RASGRF2: variants seen among roughly 807,000 people sequenced by gnomAD.
The protein encoded by RASGRF2 is ras-specific guanine nucleotide-releasing factor 2.
In RASGRF2, 76 loss-of-function variants were observed where a neutral mutation model predicts 151.0. The ratio of observed to expected loss-of-function variants is 0.50; its 90% CI spans 0.42 to 0.61. The LOEUF is 0.61. Ranked by LOEUF, RASGRF2 falls within the 20% of genes least tolerant of loss-of-function variation. RASGRF2 has a pLI of 0.00. For missense variants in RASGRF2, 1,148 were observed against 1,564.6 expected, an observed-to-expected ratio of 0.73 and a Z score of 4.49; for synonymous variants, 504 against 566.5, an observed-to-expected ratio of 0.89 and a Z score of 1.57.
chr5:81,060,725 C>G (rs1751404919), intron 2 of RASGRF2, among the ~76,000 whole-genome samples: 1 of 152,156 alleles, frequency 6.6e-6, no homozygotes, highest in African/African-American at 2.4e-5. Flanking sequence ...TACTTATAAT[C>G]CCAATGCATG....
At chr5:80,982,719 G>T (rs1053633964) in intron 1 of RASGRF2, among the ~76,000 whole-genome samples, 29 of 151,650 alleles carry the variant, frequency 1.9e-4, no homozygotes, top group African/African-American at 7.0e-4. Flanking sequence ...TCCTGCCTCA[G>T]TCTCCCGAGT....
intron 12 of RASGRF2, among the ~76,000 whole-genome samples, chr5:81,107,182 C>G (rs941162913): frequency 1.5e-5 from 2 of 135,348 alleles, no homozygotes; most frequent in Admixed American, 8.0e-5. Context: ...TAACATAGCA[C>G]GAACCTGTCT....
At chr5:81,086,127 T>C (rs1229762491) in intron 8 of RASGRF2, among the ~76,000 whole-genome samples, 1 of 152,162 alleles carries the variant, frequency 6.6e-6, no homozygotes, top group Non-Finnish European at 1.5e-5. Flanking sequence ...AATGTTCTTA[T>C]AGCATGTGAA....
At position 81,113,608 on chromosome 5, in the gene RASGRF2, C is replaced by G; in HGVS notation, c.2158C>G (p.Arg720Gly). Reference protein sequence around the residue: ...GEHLVDGKSPRLCRKFSSPPP... With the variant: ...GEHLVDGKSPGLCRKFSSPPP... ...ACATTTGGTGGATGGCAAATCCCCA[C>G]GTCTGTGTCGCAAATTCTCTTCCCC... The change falls in exon 15 of 27, where the codon CGT becomes GGT. Residue 720 changes from arginine to glycine, a missense_variant. By Grantham distance (125) the Arg-to-Gly change is moderately radical. Around this residue, in one of 5 missense-constraint regions of RASGRF2, gnomAD observed 646 missense variants for 807.4 expected, o/e 0.80. Coordinates refer to ENST00000265080, the MANE Select transcript of RASGRF2 (RefSeq NM_006909.3). 6.2e-7 allele frequency: 1 copy of G among 1,608,494 alleles called. No individual in the cohort carries two copies. Among genetic ancestry groups the G allele is most frequent in the South Asian group, 1.1e-5 (1 of 90,982 alleles).
In RASGRF2 at chr5:81,214,052, A is replaced by C. The variant is rs74336736; in HGVS notation, c.3354+1489A>C. On this transcript the variant is annotated intron_variant, in intron 23 of 26. Coordinates refer to ENST00000265080, the MANE Select transcript of RASGRF2 (RefSeq NM_006909.3). ...CCACCAGTCTTATCCAGATTTCACC[A>C]GCTTTCTAGGGATCACCAGCTATCA... Among the ~76,000 whole-genome samples the C allele has an allele frequency of 6.8e-3, 1,040 of 152,296 alleles. 14 individuals carry two copies. The highest frequency in any genetic ancestry group is 0.05 in the East Asian group (261 of 5,172).
intron 1 of RASGRF2, among the ~76,000 whole-genome samples, chr5:81,034,812 G>GGT (rs1554087641): frequency 1.5e-5 from 2 of 131,208 alleles, no homozygotes; most frequent in Admixed American, 7.6e-5. Flanking sequence ...GGTGGGAGGG[G>GGT]GGTAGGGATA....
intron 18 of RASGRF2, among the ~76,000 whole-genome samples, chr5:81,191,016 C>T (rs1230518504): frequency 2.0e-5 from 3 of 152,164 alleles, no homozygotes; most frequent in Admixed American, 2.0e-4. Flanking sequence ...TCTCCCCACT[C>T]TTGTAATCAC....
chr5:80,963,596 G>T (rs902543505), intron 1 of RASGRF2, among the ~76,000 whole-genome samples: 30 of 152,142 alleles, frequency 2.0e-4, no homozygotes, highest in Admixed American at 3.9e-4. Context: ...GAATGTGAAA[G>T]ACCATTTCAC....
At chr5:81,188,453 T>C (rs778392262) in intron 18 of RASGRF2, among the ~76,000 whole-genome samples, 5 of 152,186 alleles carry the variant, frequency 3.3e-5, no homozygotes, top group Non-Finnish European at 7.3e-5. Context: ...TTGAATTGCA[T>C]AGAAGTCATC....
intron 1 of RASGRF2, among the ~76,000 whole-genome samples, chr5:80,969,708 C>T (rs530264686): frequency 6.6e-6 from 1 of 152,092 alleles, no homozygotes; most frequent in East Asian, 1.9e-4. Context: ...GTCTCGGCCT[C>T]CCAAAGTGCT....
intron 17 of RASGRF2, among the ~76,000 whole-genome samples, chr5:81,151,121 C>T (rs149836218): frequency 6.6e-6 from 1 of 152,288 alleles, no homozygotes; most frequent in African/African-American, 2.4e-5. Flanking sequence ...TCTCTGTTTA[C>T]AATTAGCTAA....
intron 22 of RASGRF2, among the ~76,000 whole-genome samples, chr5:81,211,360 GATTT>G (rs1223730411): frequency 2.0e-5 from 3 of 152,086 alleles, no homozygotes; most frequent in African/African-American, 7.2e-5. Flanking sequence ...GTCAGGGATG[GATTT>G]ATTTGTCTTT....
At chr5:81,160,407 C>T (rs1035981507) in intron 17 of RASGRF2, among the ~76,000 whole-genome samples, 2 of 151,492 alleles carry the variant, frequency 1.3e-5, no homozygotes, top group Non-Finnish European at 2.9e-5. Context: ...GGAGACAGGG[C>T]GAGACTGTCT....
At chr5:81,111,655 A>G (rs1013386312) in intron 13 of RASGRF2, among the ~76,000 whole-genome samples, 1 of 152,100 alleles carries the variant, frequency 6.6e-6, no homozygotes, top group African/African-American at 2.4e-5. Flanking sequence ...CAAATCAGGA[A>G]CTTAGAAAAA....
intron 17 of RASGRF2, among the ~76,000 whole-genome samples, chr5:81,132,585 C>T (rs561690347): frequency 1.3e-5 from 2 of 152,178 alleles, no homozygotes; most frequent in Non-Finnish European, 2.9e-5. Context: ...GACTTTTCCT[C>T]ACACTCATGA....
At chr5:81,085,960 T>G (rs1286668172) in intron 8 of RASGRF2, 49 bp downstream of exon 8, 1 of 1,612,050 alleles carries the variant, frequency 6.2e-7, no homozygotes, top group Non-Finnish European at 8.5e-7. Flanking sequence ...AGCAGCAAGT[T>G]AGTCTCTTGT....
At chr5:81,087,054 G>A (rs545440868) in intron 9 of RASGRF2, 101 bp downstream of exon 9, 20 of 1,076,286 alleles carry the variant, frequency 1.9e-5, no homozygotes, top group South Asian at 1.9e-4. Context: ...TGACGGGTGC[G>A]GTGCCCGAAG....
intron 17 of RASGRF2, among the ~76,000 whole-genome samples, chr5:81,166,816 C>A (rs961650028): frequency 6.6e-6 from 1 of 151,966 alleles, no homozygotes. Context: ...ACTGAGAACC[C>A]GAGATGAGGG....
intron 1 of RASGRF2, among the ~76,000 whole-genome samples, chr5:81,002,142 C>T (rs770871959): frequency 1.4e-4 from 22 of 152,096 alleles, no homozygotes; most frequent in Non-Finnish European, 2.5e-4. Context: ...ACTTTTTTTC[C>T]TCCTAGTTTT....
Sources: allele counts gnomAD v4.1 joint callset (sites outside exome capture counted in the v4.1 genomes callset), GRCh38; gene constraint gnomAD v4.1.1; regional missense constraint gnomAD v4.1.1; transcripts MANE v1.5; gene names NCBI Gene and HGNC (gene_info 2026-07-23, HGNC 2026-07-21).